Variants in LDB2 observed in about 807,000 individuals in gnomAD.
The protein encoded by LDB2 is LIM domain binding 2, also known as LIM domain-binding protein 2.
LDB2 carries 12 observed loss-of-function variants against 44.3 expected under a neutral mutation model. The ratio of observed to expected loss-of-function variants is 0.27; its 90% CI spans 0.17 to 0.44. The LOEUF is 0.44. Ranked by LOEUF, LDB2 falls within the 20% of genes least tolerant of loss-of-function variation. The probability of loss-of-function intolerance (pLI) is 1.00; values close to 1 mark genes in which losing one functional copy is unlikely to be tolerated. For missense variants in LDB2, 344 were observed against 473.5 expected (o/e 0.73, Z 2.54); for synonymous variants, 164 against 174.8 (o/e 0.94, Z 0.49).
At chr4:16,873,075 G>A (rs1717195179) in intron 1 of LDB2, among the ~76,000 whole-genome samples, 1 of 152,130 alleles carries the variant, frequency 6.6e-6, no homozygotes, top group Admixed American at 6.5e-5. Flanking sequence ...CTGTGAAGGA[G>A]AATGGTGTAT....
At chr4:16,883,733 C>G (rs1720853226) in intron 1 of LDB2, among the ~76,000 whole-genome samples, 1 of 152,182 alleles carries the variant, frequency 6.6e-6, no homozygotes, top group Non-Finnish European at 1.5e-5. Flanking sequence ...GCCAGCACAT[C>G]TCTTCTGGTT....
intron 5 of LDB2, among the ~76,000 whole-genome samples, chr4:16,557,574 T>A (rs751573189): frequency 6.6e-6 from 1 of 152,198 alleles, no homozygotes; most frequent in Non-Finnish European, 1.5e-5. Flanking sequence ...TCAAACTGGG[T>A]GGAGCCCACA....
intron 2 of LDB2, among the ~76,000 whole-genome samples, chr4:16,672,766 A>G (rs1745151728): frequency 6.6e-6 from 1 of 152,094 alleles, no homozygotes; most frequent in African/African-American, 2.4e-5. Flanking sequence ...TCCCTGCAGT[A>G]ACACTGAGAG....
chr4:16,739,589 A>ATATATATATAT (rs56104433), intron 2 of LDB2, among the ~76,000 whole-genome samples: 4 of 64,292 alleles, frequency 6.2e-5, no homozygotes, highest in African/African-American at 2.6e-4. Context: ...AAAAAAAAAA[A>ATATATATATAT]ATATATATAT....
intron 2 of LDB2, among the ~76,000 whole-genome samples, chr4:16,680,152 C>A (rs910311151): frequency 6.6e-6 from 1 of 152,110 alleles, no homozygotes; most frequent in Admixed American, 6.5e-5. Flanking sequence ...TCTGTCATGC[C>A]GGGATACAGC....
chr4:16,708,735 G>A (rs1755188854), intron 2 of LDB2, among the ~76,000 whole-genome samples: 1 of 151,698 alleles, frequency 6.6e-6, no homozygotes. Context: ...ATTATATTAG[G>A]GAAGTACAAA....
intron 5 of LDB2, 86 bp from the exon 6 acceptor site, chr4:16,512,190 C>T: frequency 8.1e-7 from 1 of 1,228,610 alleles, no homozygotes; most frequent in Non-Finnish European, 1.1e-6. Flanking sequence ...ATCAAGTAGA[C>T]AGCTTTGAGA....
intron 2 of LDB2, among the ~76,000 whole-genome samples, chr4:16,648,510 G>A (rs1023747419): frequency 1.3e-5 from 2 of 152,184 alleles, no homozygotes; most frequent in African/African-American, 4.8e-5. Flanking sequence ...GCACCAGGCA[G>A]TAACTATATA....
At chr4:16,679,008 C>T (rs1235672579) in intron 2 of LDB2, among the ~76,000 whole-genome samples, 3 of 152,154 alleles carry the variant, frequency 2.0e-5, no homozygotes, top group Non-Finnish European at 4.4e-5. Flanking sequence ...AACAAAGTCC[C>T]TGACCTCATT....
chr4:16,537,730 G>A (rs1407414510), intron 5 of LDB2, among the ~76,000 whole-genome samples: 1 of 152,182 alleles, frequency 6.6e-6, no homozygotes, highest in Non-Finnish European at 1.5e-5. Flanking sequence ...AAACTGAGGT[G>A]TAGAACTTAT....
At chr4:16,627,091 G>T (rs756225444) in intron 2 of LDB2, 1 of 152,146 alleles carries the variant, frequency 6.6e-6, no homozygotes, top group Non-Finnish European at 1.5e-5. Context: ...CTTCCCCAAC[G>T]GCTGCATATT....
intron 5 of LDB2, among the ~76,000 whole-genome samples, chr4:16,551,759 C>A (rs903496171): frequency 6.6e-6 from 1 of 152,096 alleles, no homozygotes; most frequent in Admixed American, 6.5e-5. Flanking sequence ...TCAGGTGATA[C>A]GCCTGCCTTG....
intron 1 of LDB2, among the ~76,000 whole-genome samples, chr4:16,818,609 A>G (rs1781372183): frequency 6.6e-6 from 1 of 152,226 alleles, no homozygotes; most frequent in African/African-American, 2.4e-5. Context: ...CTGTTGTCTC[A>G]ATGACCACCT....
chr4:16,694,615 C>A (rs1372647973), intron 2 of LDB2, among the ~76,000 whole-genome samples: 1 of 152,184 alleles, frequency 6.6e-6, no homozygotes, highest in African/African-American at 2.4e-5. Context: ...CAAATCTTAG[C>A]TGGACACAGC....
At chr4:16,676,508 G>A (rs1746375710) in intron 2 of LDB2, among the ~76,000 whole-genome samples, 1 of 152,180 alleles carries the variant, frequency 6.6e-6, no homozygotes, top group Non-Finnish European at 1.5e-5. Context: ...CTCTGTGCAA[G>A]GCACAATGTC....
At chr4:16,552,318 A>AT (rs935079023) in intron 5 of LDB2, among the ~76,000 whole-genome samples, 19 of 152,098 alleles carry the variant, frequency 1.2e-4, no homozygotes, top group Non-Finnish European at 1.8e-4. Context: ...TATTATTCCA[A>AT]TTTTTTTGAA....
intron 1 of LDB2, among the ~76,000 whole-genome samples, chr4:16,772,677 A>G (rs1429024237): frequency 6.6e-6 from 1 of 152,248 alleles, no homozygotes; most frequent in Non-Finnish European, 1.5e-5. Flanking sequence ...AAATATGTAA[A>G]TGCTTTATAC....
At chr4:16,636,167 C>A (rs542903695) in intron 2 of LDB2, among the ~76,000 whole-genome samples, 1 of 152,218 alleles carries the variant, frequency 6.6e-6, no homozygotes, top group African/African-American at 2.4e-5. Flanking sequence ...GTCATGTTAT[C>A]CCAGTTTTAC....
chr4:16,705,616 A>G (rs1754435961), intron 2 of LDB2, among the ~76,000 whole-genome samples: 2 of 152,226 alleles, frequency 1.3e-5, no homozygotes, highest in African/African-American at 4.8e-5. Context: ...AGAAAAATAT[A>G]GAGGCTTTTT....
Sources: gnomAD v4.1 joint callset for allele counts (sites outside exome capture counted in the v4.1 genomes callset) on GRCh38, gnomAD v4.1.1 for gene constraint, MANE v1.5 for transcripts, NCBI Gene and HGNC (gene_info 2026-07-23, HGNC 2026-07-21) for gene names.